Variants in RBM19 observed in about 807,000 individuals in gnomAD.
RBM19 encodes RNA binding motif protein 19.
In RBM19, 94 loss-of-function variants were observed where a neutral mutation model predicts 116.8. The observed-to-expected ratio is 0.80, with a 90% confidence interval of 0.68 to 0.95. The LOEUF (loss-of-function observed/expected upper bound fraction) is 0.95, where lower values mean the gene tolerates loss of function less well. Ranked by LOEUF, RBM19 falls within the 40% of genes least tolerant of loss-of-function variation. The pLI, the probability that RBM19 is intolerant of heterozygous loss-of-function variation, is 0.00. For synonymous variants in RBM19, 475 were observed against 494.1 expected (o/e 0.96, Z 0.51); for missense variants, 1,161 against 1,220.7 (o/e 0.95, Z 0.73).
chr12:113,846,906 T>C (rs549947199), intron 22 of RBM19, among the ~76,000 whole-genome samples: 1 of 152,052 alleles, frequency 6.6e-6, no homozygotes, highest in Admixed American at 6.5e-5. Context: ...AGAGACGGGG[T>C]CTCCCTACAT....
rs527826063 is a variant in RBM19, at chr12:113,831,808, G to T, written c.2786-8487C>A. On this transcript the variant is annotated intron_variant, in intron 23 of 23. Coordinates refer to ENST00000261741, the MANE Select transcript of RBM19 (RefSeq NM_016196.4). ...CACTTGGAATTATTTCCAAAACACC[G>T]CCCAGCGAGGCTCAGGCGTGGGGAG... is the stretch of plus-strand genomic sequence containing the variant. Among the ~76,000 whole-genome samples, 5 of 152,320 alleles carry T rather than the reference G, an allele frequency of 3.3e-5. No homozygotes were observed. The South Asian group carries it at 1.0e-3, about 32-fold the overall frequency.
chr12:113,870,310 C>T (rs1245431220), intron 21 of RBM19, among the ~76,000 whole-genome samples: 2 of 152,214 alleles, frequency 1.3e-5, no homozygotes, highest in African/African-American at 2.4e-5. Context: ...CACCTGCTAT[C>T]TCCACTCTGT....
chr12:113,855,617 C>G (rs1009197438), intron 22 of RBM19, among the ~76,000 whole-genome samples: 5 of 152,154 alleles, frequency 3.3e-5, no homozygotes, highest in African/African-American at 1.2e-4. Flanking sequence ...TCCCTAAGAG[C>G]TTCAACAGGG....
intron 23 of RBM19, among the ~76,000 whole-genome samples, chr12:113,831,360 C>T (rs2135693136): frequency 6.6e-6 from 1 of 152,262 alleles, no homozygotes; most frequent in Non-Finnish European, 1.5e-5. Flanking sequence ...TGGGTTTCTC[C>T]AGGCTGGGCC....
At position 113,937,067 on chromosome 12, in the gene RBM19, T is replaced by C; in HGVS notation, c.2008A>G (p.Lys670Glu). 5.0e-6 allele frequency: 8 copies of C among 1,614,180 alleles called. No individual in the cohort carries two copies. The highest frequency in any genetic ancestry group is 6.8e-6 in the Non-Finnish European group (8 of 1,180,024). Residue 670 changes from lysine to glutamate, a missense_variant, in exon 16 of 24, where the codon AAA becomes GAA. By Grantham distance (56) the Lys-to-Glu change is moderately conservative (BLOSUM62 1). Transcript: ENST00000261741. ...GVFSSTAPQKKKLQDTPSEPM... is the reference protein window; with the variant it reads ...GVFSSTAPQKEKLQDTPSEPM... ...TCTGAAGGTGTGTCTTGGAGCTTTTTCTTCTGTGGGGCTGTGCTGGAGAAG... is the reference window on the plus strand; with the variant it reads ...TCTGAAGGTGTGTCTTGGAGCTTTTCCTTCTGTGGGGCTGTGCTGGAGAAG...
intron 14 of RBM19, 21 bp from the exon 15 acceptor site, chr12:113,940,181 C>A (rs370136152): frequency 6.2e-7 from 1 of 1,601,448 alleles, no homozygotes; most frequent in Non-Finnish European, 8.5e-7. Flanking sequence ...GAAATGCACA[C>A]ACATGGGACC....
chr12:113,946,738 G>A (rs1188228860), intron 11 of RBM19, among the ~76,000 whole-genome samples: 4 of 152,266 alleles, frequency 2.6e-5, no homozygotes, highest in Non-Finnish European at 4.4e-5. Flanking sequence ...CCCTCTCCCC[G>A]CCTCTCAAGC....
At chr12:113,905,037 G>A (rs1881948982) in intron 21 of RBM19, among the ~76,000 whole-genome samples, 1 of 152,188 alleles carries the variant, frequency 6.6e-6, no homozygotes, top group African/African-American at 2.4e-5. Flanking sequence ...CCCAGGTGAA[G>A]CAAAAACCCC....
At chr12:113,948,540 G>C (rs1484466714) in intron 10 of RBM19, among the ~76,000 whole-genome samples, 1 of 152,226 alleles carries the variant, frequency 6.6e-6, no homozygotes, top group Non-Finnish European at 1.5e-5. Context: ...TCTCAAAAAA[G>C]TCATCCGAAT....
At chr12:113,888,803 C>T (rs1332859476) in intron 21 of RBM19, among the ~76,000 whole-genome samples, 1 of 152,202 alleles carries the variant, frequency 6.6e-6, no homozygotes, top group African/African-American at 2.4e-5. Flanking sequence ...ACTTCAACCT[C>T]ATGGGACTAT....
chr12:113,939,942 G>T lies in RBM19; in HGVS notation c.1938+18C>A. The T allele has an allele frequency of 6.2e-7, 1 of 1,612,222 alleles. No homozygotes were observed. The highest frequency in any genetic ancestry group is 8.5e-7 in the Non-Finnish European group (1 of 1,179,078). ...CTGGTCCTTCTCCAGATCAATTCTG[G>T]GTCTCCAGCAGCCCTACCTTGGAAT... is the stretch of plus-strand genomic sequence containing the variant. On this transcript the variant is annotated intron_variant, in intron 15 of 23. Coordinates refer to ENST00000261741, the MANE Select transcript of RBM19 (RefSeq NM_016196.4).
At chr12:113,928,661 G>GTGTGTGTC (rs1555242499) in intron 16 of RBM19, among the ~76,000 whole-genome samples, 3,870 of 149,370 alleles carry the variant, frequency 0.026, 77 homozygotes, top group Middle Eastern at 0.041. Context: ...GTGTGTGTGT[G>GTGTGTGTC]TCTGCAGCTC....
intron 23 of RBM19, among the ~76,000 whole-genome samples, chr12:113,841,637 C>G (rs1040802120): frequency 6.6e-6 from 1 of 152,088 alleles, no homozygotes; most frequent in Non-Finnish European, 1.5e-5. Context: ...GTTGGCCAGG[C>G]TGGTCTCAAA....
At chr12:113,872,487 C>T (rs1011144907) in intron 21 of RBM19, among the ~76,000 whole-genome samples, 1 of 137,260 alleles carries the variant, frequency 7.3e-6, no homozygotes, top group African/African-American at 2.6e-5. Flanking sequence ...GGGAGCCCCT[C>T]TGCCCGGCCA....
At chr12:113,842,742 G>T (rs151035518) in intron 23 of RBM19, among the ~76,000 whole-genome samples, 222 of 152,322 alleles carry the variant, frequency 1.5e-3, no homozygotes, top group Non-Finnish European at 2.3e-3. Flanking sequence ...ACCTGTGGAG[G>T]GGGAGGGAAA....
In RBM19 at chr12:113,914,960, A is replaced by G. The variant is rs765967805; in HGVS notation, c.2558+9T>C. ...CGCCAGTCCCCTGGACTAAACCTGA[A>G]GTTCTCACCTGAAGAGCTCTCGGAT... On this transcript the variant is annotated intron_variant, in intron 21 of 23. Coordinates refer to ENST00000261741, the MANE Select transcript of RBM19 (RefSeq NM_016196.4). The G allele has an allele frequency of 6.2e-7, 1 of 1,609,262 alleles. No individual in the cohort carries two copies. The highest frequency in any genetic ancestry group is 2.2e-5 in the East Asian group (1 of 44,848).
Position 113,962,371 on chromosome 12 carries a change from G to A in RBM19, c.80C>T (p.Thr27Met), listed in dbSNP as rs754522463. The A allele has an allele frequency of 1.3e-5, 21 of 1,614,202 alleles. No homozygotes were observed. The highest frequency in any genetic ancestry group is 3.3e-4 in the Middle Eastern group (2 of 6,060). Residue 27 changes from threonine to methionine, a missense_variant, in exon 2 of 24, where the codon ACG becomes ATG. Thr to Met is a moderately conservative substitution (Grantham distance 81). Coordinates refer to ENST00000261741, the MANE Select transcript of RBM19 (RefSeq NM_016196.4). ...GAACTTCAGGCTGCAGTCTGTCAGC[G>A]TGCCGAAGGCGGCAAACAGCTGCCT... ...RFRQLFAAFG[T>M]LTDCSLKFTK... is the part of the protein sequence containing the mutation.
At chr12:113,911,798 C>T (rs775579559) in intron 21 of RBM19, among the ~76,000 whole-genome samples, 2 of 152,048 alleles carry the variant, frequency 1.3e-5, no homozygotes, top group Non-Finnish European at 2.9e-5. Context: ...CGCACGGGGC[C>T]GGGGACATGA....
At chr12:113,874,114 C>T (rs1187346909) in intron 21 of RBM19, among the ~76,000 whole-genome samples, 2 of 152,234 alleles carry the variant, frequency 1.3e-5, no homozygotes, top group Admixed American at 6.5e-5. Flanking sequence ...TCATTTGTCA[C>T]CTCGATGTTA....
Sources: allele counts gnomAD v4.1 joint callset (sites outside exome capture counted in the v4.1 genomes callset), GRCh38; gene constraint gnomAD v4.1.1; transcripts MANE v1.5; gene names NCBI Gene and HGNC (gene_info 2026-07-23, HGNC 2026-07-21).